Variants in MGRN1 observed in about 807,000 individuals in gnomAD.
MGRN1 encodes mahogunin ring finger 1.
Under a neutral mutation model 69.2 loss-of-function variants are expected in MGRN1, and 29 were observed. That is an observed-to-expected ratio of 0.42 (90% CI 0.31 to 0.57). The LOEUF is 0.57. Among genes scored for constraint, MGRN1 ranks in the 20% least tolerant of loss-of-function variants. The pLI is 0.15. For synonymous variants in MGRN1, 470 were observed against 344.2 expected, an observed-to-expected ratio of 1.37 and a Z score of -4.04; for missense variants, 998 against 796.2, an observed-to-expected ratio of 1.25 and a Z score of -3.05.
At chr16:4,671,500 C>T (rs1385173511) in intron 9 of MGRN1, 41 bp downstream of exon 9, 1 of 1,594,720 alleles carries the variant, frequency 6.3e-7, no homozygotes, top group Non-Finnish European at 8.6e-7. Flanking sequence ...ATTACAGAAG[C>T]CCACACCAGG....
intron 10 of MGRN1, among the ~76,000 whole-genome samples, chr16:4,675,857 G>C (rs117618880): frequency 1.3e-5 from 2 of 152,204 alleles, no homozygotes; most frequent in Admixed American, 1.3e-4. Flanking sequence ...GCCGCTCGTA[G>C]GGCCCCGTTC....
chr16:4,686,578 G>C, intron 16 of MGRN1: 5 of 1,305,786 alleles, frequency 3.8e-6, no homozygotes, highest in Non-Finnish European at 4.9e-6. Flanking sequence ...GCCTTGAGGG[G>C]CCCTGGAACA....
At chr16:4,638,996 T>A (rs1273143098) in intron 1 of MGRN1, among the ~76,000 whole-genome samples, 2 of 152,114 alleles carry the variant, frequency 1.3e-5, no homozygotes, top group Non-Finnish European at 2.9e-5. Context: ...CTCTGGAGTC[T>A]GCCCAGGGGT....
At chr16:4,688,628 C>A (rs1308654573) in intron 16 of MGRN1, 168 bp from the exon 17 acceptor site, 2 of 1,406,270 alleles carry the variant, frequency 1.4e-6, no homozygotes, top group East Asian at 2.6e-5. Context: ...TTAGGGAGTC[C>A]CCGGGCCCTT....
chr16:4,671,503 A>G (rs2078936445), intron 9 of MGRN1, 44 bp downstream of exon 9: 1 of 1,589,066 alleles, frequency 6.3e-7, no homozygotes, highest in East Asian at 2.2e-5. Context: ...ACAGAAGCCC[A>G]CACCAGGAGC....
intron 7 of MGRN1, among the ~76,000 whole-genome samples, chr16:4,667,803 T>A (rs899020709): frequency 6.6e-6 from 1 of 152,254 alleles, no homozygotes; most frequent in Non-Finnish European, 1.5e-5. Context: ...TGCGGTTCCC[T>A]GTGTGTGCAC....
chr16:4,653,242 G>A (rs2078448349), intron 4 of MGRN1, among the ~76,000 whole-genome samples: 1 of 152,166 alleles, frequency 6.6e-6, no homozygotes, highest in East Asian at 1.9e-4. Context: ...CTTGGCTGGT[G>A]TTTGTTGGTT....
At chr16:4,655,937 C>T (rs546666580) in intron 4 of MGRN1, among the ~76,000 whole-genome samples, 1 of 152,374 alleles carries the variant, frequency 6.6e-6, no homozygotes, top group East Asian at 1.9e-4. Context: ...TTTACTGAGG[C>T]TGAGCCCGGG....
At chr16:4,631,225 CT>C (rs1419193711) in intron 1 of MGRN1, among the ~76,000 whole-genome samples, 1 of 152,198 alleles carries the variant, frequency 6.6e-6, no homozygotes, top group Non-Finnish European at 1.5e-5. Context: ...AGACTATCAT[CT>C]TCCCATCAAA....
intron 8 of MGRN1, among the ~76,000 whole-genome samples, chr16:4,670,924 G>A (rs910643476): frequency 5.3e-5 from 8 of 152,242 alleles, no homozygotes; most frequent in African/African-American, 1.9e-4. Context: ...TTGGTTGCAA[G>A]TGGGTGGCAG....
chr16:4,626,375 G>T (rs572147350), intron 1 of MGRN1, among the ~76,000 whole-genome samples: 2 of 152,318 alleles, frequency 1.3e-5, no homozygotes, highest in Non-Finnish European at 2.9e-5. Flanking sequence ...ATCAGATGGA[G>T]CAGTTTGCTG....
chr16:4,652,016 G>T lies in MGRN1; in HGVS notation c.261G>T (p.Leu87=), dbSNP rs548150467. ...PHEPVKTLRS[L]VNIRKDSLRL... ...AGCCCGTGAAGACGCTGCGGAGCCT[G>T]GTGAACATCCGCAAAGACTCCCTGC... is the stretch of plus-strand genomic sequence containing the variant. The change falls in exon 3 of 17, where the codon CTG becomes CTT. Residue 87 remains leucine, a synonymous_variant. Transcript: ENST00000262370. 2 of 1,614,046 alleles carry T rather than the reference G, an allele frequency of 1.2e-6. No individual in the cohort carries two copies. Among genetic ancestry groups the T allele is most frequent in the African/African-American group, 1.3e-5 (1 of 75,020 alleles).
At chr16:4,686,248 T>A (rs1455101601) in intron 16 of MGRN1, 2 of 1,542,044 alleles carry the variant, frequency 1.3e-6, no homozygotes, top group African/African-American at 2.7e-5. Context: ...TCTCTCCCCC[T>A]CTCCGCGCAG....
chr16:4,649,013 C>G (rs1397625904), intron 1 of MGRN1: 2 of 155,106 alleles, frequency 1.3e-5, no homozygotes, highest in Non-Finnish European at 1.4e-5. Flanking sequence ...GGGGAGAGGC[C>G]ATGCTCTCAG....
chr16:4,652,056 C>T lies in MGRN1; in HGVS notation c.296+5C>T. 1 of 1,613,696 alleles carries T rather than the reference C, an allele frequency of 6.2e-7. No individual in the cohort carries two copies. Among genetic ancestry groups the T allele is most frequent in the Non-Finnish European group, 8.5e-7 (1 of 1,179,694 alleles). On this transcript the variant is annotated splice_donor_5th_base_variant and intron_variant, in intron 3 of 16. Coordinates refer to ENST00000262370, the MANE Select transcript of MGRN1 (RefSeq NM_015246.4). ...AGACTCCCTGCGGCTGGTGAGGTAA[C>T]TTCACCCTGCCCCTGGGGACCCTGT... is the stretch of plus-strand genomic sequence containing the variant.
intron 8 of MGRN1, 93 bp from the exon 9 acceptor site, chr16:4,671,297 TG>T: frequency 8.2e-7 from 1 of 1,222,358 alleles, no homozygotes; most frequent in Non-Finnish European, 1.2e-6. Flanking sequence ...TATGGAAGCC[TG>T]GTAAGTTGGA....
intron 4 of MGRN1, among the ~76,000 whole-genome samples, chr16:4,654,635 G>A (rs978184536): frequency 6.6e-6 from 1 of 152,100 alleles, no homozygotes; most frequent in African/African-American, 2.4e-5. Flanking sequence ...TGAGTGGCTT[G>A]GGGGCACATG....
At chr16:4,671,175 A>G in intron 8 of MGRN1, 1 of 583,484 alleles carries the variant, frequency 1.7e-6, no homozygotes, top group Non-Finnish European at 3.0e-6. Flanking sequence ...AGTAGTGGGG[A>G]GAGCCACCGG....
intron 5 of MGRN1, among the ~76,000 whole-genome samples, chr16:4,663,653 T>TGGTGGCC (rs1322704152): frequency 6.6e-6 from 1 of 152,106 alleles, no homozygotes; most frequent in Non-Finnish European, 1.5e-5. Flanking sequence ...GGGAGCCTGA[T>TGGTGGCC]GGTGGCCGGT....
Sources: gnomAD v4.1 joint callset for allele counts (sites outside exome capture counted in the v4.1 genomes callset) on GRCh38, gnomAD v4.1.1 for gene constraint, MANE v1.5 for transcripts, NCBI Gene and HGNC (gene_info 2026-07-23, HGNC 2026-07-21) for gene names.